MACROD1: variants seen among roughly 807,000 people sequenced by gnomAD.
MACROD1 encodes the protein ADP-ribose glycohydrolase MACROD1.
Under a neutral mutation model 41.4 loss-of-function variants are expected in MACROD1, and 31 were observed. The observed-to-expected ratio is 0.75, with a 90% CI of 0.56 to 1.01. The LOEUF is 1.01. MACROD1 is among the 50% of genes least tolerant of loss of function. The pLI, the probability that MACROD1 is intolerant of heterozygous loss-of-function variation, is 0.00. For missense variants in MACROD1, 473 were observed against 460.0 expected, an observed-to-expected ratio of 1.03 and a Z score of -0.26; for synonymous variants, 252 against 203.4, an observed-to-expected ratio of 1.24 and a Z score of -2.03.
At chr11:64,057,381 GA>G (rs958138528) in intron 3 of MACROD1, among the ~76,000 whole-genome samples, 2 of 152,242 alleles carry the variant, frequency 1.3e-5, no homozygotes, top group African/African-American at 4.8e-5. Flanking sequence ...TACCAAGGCA[GA>G]TTTAAAACCT....
chr11:64,043,437 C>T (rs1429057760), intron 3 of MACROD1, among the ~76,000 whole-genome samples: 1 of 152,182 alleles, frequency 6.6e-6, no homozygotes, highest in Non-Finnish European at 1.5e-5. Context: ...GAGCAGTGGA[C>T]TCTAAACGCC....
intron 3 of MACROD1, among the ~76,000 whole-genome samples, chr11:64,058,195 C>T (rs1233022609): frequency 1.3e-5 from 2 of 152,282 alleles, no homozygotes; most frequent in Non-Finnish European, 2.9e-5. Flanking sequence ...GACTAATCCT[C>T]TCTTTCTGGG....
chr11:64,080,297 G>T (rs1944280529), intron 3 of MACROD1, among the ~76,000 whole-genome samples: 1 of 152,202 alleles, frequency 6.6e-6, no homozygotes, highest in African/African-American at 2.4e-5. Flanking sequence ...ACAGACGTGA[G>T]CCACTGTGCC....
intron 3 of MACROD1, among the ~76,000 whole-genome samples, chr11:64,074,517 G>A (rs1191368582): frequency 1.3e-5 from 2 of 152,226 alleles, no homozygotes; most frequent in African/African-American, 4.8e-5. Flanking sequence ...TTCAGTTTCT[G>A]GCCTAAGGTC....
intron 3 of MACROD1, among the ~76,000 whole-genome samples, chr11:64,143,801 C>CACACACACACACACACAA (rs762084927): frequency 3.1e-4 from 45 of 144,970 alleles, no homozygotes; most frequent in Admixed American, 8.3e-4. Flanking sequence ...CACACACACA[C>CACACACACACACACACAA]AATTTCCTGG....
At chr11:64,068,869 C>T (rs1162220102) in intron 3 of MACROD1, among the ~76,000 whole-genome samples, 4 of 152,220 alleles carry the variant, frequency 2.6e-5, no homozygotes, top group Admixed American at 6.5e-5. Context: ...CGGCCTTCCC[C>T]GGAGGTTCAC....
chr11:64,078,788 G>T lies in MACROD1; in HGVS notation c.518-63507C>A, dbSNP rs529829609. 8.5e-5 allele frequency among the ~76,000 whole-genome samples: 13 copies of T among 152,240 alleles called. No individual in the cohort carries two copies. The East Asian group carries it at 1.7e-3, about 20-fold the overall frequency. ...AACCCAAAAGACGGGTGACTGCAGG[G>T]GGGGAGGCCTCTCTGAGCAGGGGGT... On this transcript the variant is annotated intron_variant, in intron 3 of 10. Transcript: ENST00000255681.
intron 3 of MACROD1, among the ~76,000 whole-genome samples, chr11:64,040,248 G>C (rs1034411405): frequency 6.6e-6 from 1 of 152,090 alleles, no homozygotes; most frequent in Non-Finnish European, 1.5e-5. Context: ...AGTAACAGAG[G>C]GGCCTGCTGA....
chr11:64,072,058 G>C (rs187394017), intron 3 of MACROD1, among the ~76,000 whole-genome samples: 2 of 151,770 alleles, frequency 1.3e-5, no homozygotes, highest in African/African-American at 4.8e-5. Flanking sequence ...AATCCTCCCG[G>C]CAGACAAGAT....
intron 1 of MACROD1, among the ~76,000 whole-genome samples, chr11:64,163,332 C>T (rs1945785772): frequency 6.6e-6 from 1 of 152,122 alleles, no homozygotes; most frequent in South Asian, 2.1e-4. Context: ...TAAAAACACA[C>T]CTTCAAATTC....
Position 64,129,660 on chromosome 11 carries a change from C to T in MACROD1, c.517+21579G>A, listed in dbSNP as rs142862675. Among the ~76,000 whole-genome samples the T allele has an allele frequency of 4.3e-3, 649 of 152,282 alleles. 3 individuals carry two copies. The highest frequency in any genetic ancestry group is 6.5e-3 in the Non-Finnish European group (444 of 68,006). On this transcript the variant is annotated intron_variant, in intron 3 of 10. Transcript: ENST00000255681. ...CAGCAAAGTGCCCCCAGGTCCAGCA[C>T]AGAGAGGCAACCGTACAGGGTGGGG...
chr11:64,010,464 GGCA>G (rs1257017370), intron 4 of MACROD1, among the ~76,000 whole-genome samples: 1 of 151,044 alleles, frequency 6.6e-6, no homozygotes, highest in Non-Finnish European at 1.5e-5. Context: ...GGTGCTGGCT[GGCA>G]TGTTGGTTGG....
At chr11:64,095,536 T>G (rs1944560935) in intron 3 of MACROD1, among the ~76,000 whole-genome samples, 1 of 152,124 alleles carries the variant, frequency 6.6e-6, no homozygotes, top group South Asian at 2.1e-4. Context: ...CACCTGTCCC[T>G]GGGGGCTGGA....
rs1313554864 is a variant in MACROD1 at position 64,090,638 on chromosome 11, G to A, written c.517+60601C>T. ...GGAGGGGTCCCAGCTGGAGCACTGCGCAGCCCCAGGCCTTGTCCCCAGCCA... is the reference window on the plus strand; with the variant it reads ...GGAGGGGTCCCAGCTGGAGCACTGCACAGCCCCAGGCCTTGTCCCCAGCCA... On this transcript the variant is annotated intron_variant, in intron 3 of 10. Transcript: ENST00000255681. The surrounding 1 kb of genome is among the most constrained non-coding windows in gnomAD (Gnocchi z 4.7). Among the ~76,000 whole-genome samples, 1 of 152,266 alleles carries A rather than the reference G, an allele frequency of 6.6e-6. No homozygotes were observed. Among genetic ancestry groups the A allele is most frequent in the Non-Finnish European group, 1.5e-5 (1 of 68,026 alleles).
intron 3 of MACROD1, chr11:64,103,069 C>CAA (rs36005898): frequency 2.1e-5 from 3 of 140,122 alleles, no homozygotes; most frequent in South Asian, 2.3e-4. Flanking sequence ...GACTCCATCT[C>CAA]AAAAAAAAAA....
At chr11:64,087,294 T>C (rs1944411667) in intron 3 of MACROD1, 1 of 152,354 alleles carries the variant, frequency 6.6e-6, no homozygotes, top group South Asian at 2.1e-4. Flanking sequence ...AACCTGCTCC[T>C]GTCACTTCGG....
chr11:64,032,566 C>T (rs192767589), intron 3 of MACROD1, among the ~76,000 whole-genome samples: 10 of 152,226 alleles, frequency 6.6e-5, no homozygotes, highest in East Asian at 5.8e-4. Context: ...CTCTGGGAGC[C>T]GGGAAGCTGG....
At chr11:64,069,358 T>C (rs1270462490) in intron 3 of MACROD1, among the ~76,000 whole-genome samples, 1 of 152,116 alleles carries the variant, frequency 6.6e-6, no homozygotes, top group Admixed American at 6.5e-5. Context: ...TGCCAGAGGA[T>C]GGGGGTCTCT....
intron 3 of MACROD1, chr11:64,148,798 TG>T (rs1945533203): frequency 1.0e-6 from 1 of 985,642 alleles, no homozygotes; most frequent in South Asian, 4.7e-5. Context: ...TATGGGCTCC[TG>T]GGAACTGCAA....
Sources: allele counts gnomAD v4.1 joint callset (sites outside exome capture counted in the v4.1 genomes callset), GRCh38; gene constraint gnomAD v4.1.1; non-coding constraint Gnocchi (gnomAD v3.1); transcripts MANE v1.5; gene names NCBI Gene and HGNC (gene_info 2026-07-23, HGNC 2026-07-21).